Variants in PKD1L1 observed in about 807,000 individuals in gnomAD.
The protein encoded by PKD1L1 is polycystin-1-like protein 1.
A neutral mutation model predicts 323.4 loss-of-function variants in PKD1L1; 236 were observed. That is an observed-to-expected ratio of 0.73 (90% CI 0.66 to 0.81). The LOEUF is 0.81. Ranked by LOEUF, PKD1L1 falls within the 40% of genes least tolerant of loss-of-function variation. The pLI, the probability that PKD1L1 is intolerant of heterozygous loss-of-function variation, is 0.00. For synonymous variants in PKD1L1, 1,344 were observed against 1,335.0 expected, an observed-to-expected ratio of 1.01 and a Z score of -0.15; for missense variants, 3,320 against 3,508.0, an observed-to-expected ratio of 0.95 and a Z score of 1.35.
intron 4 of PKD1L1, among the ~76,000 whole-genome samples, chr7:47,935,603 G>C (rs952286129): frequency 1.3e-5 from 2 of 152,218 alleles, no homozygotes; most frequent in Admixed American, 6.5e-5. Flanking sequence ...GCCCTCACAG[G>C]TGGCTGTCAC....
chr7:47,917,329 T>C (rs1455183840), intron 7 of PKD1L1, among the ~76,000 whole-genome samples: 1 of 152,046 alleles, frequency 6.6e-6, no homozygotes, highest in African/African-American at 2.4e-5. Context: ...TCTGGGATTA[T>C]GTTAAATGAC....
At chr7:47,834,275 G>C (rs1285540127) in intron 40 of PKD1L1, 64 bp downstream of exon 40, 1 of 1,525,396 alleles carries the variant, frequency 6.6e-7, no homozygotes, top group Non-Finnish European at 9.1e-7. Context: ...GAGGATGCCA[G>C]AGAAATCTAA....
intron 2 of PKD1L1, among the ~76,000 whole-genome samples, chr7:47,942,161 TGCTATATAAACCCC>T (rs1420036286): frequency 5.9e-5 from 9 of 152,198 alleles, no homozygotes; most frequent in Non-Finnish European, 1.3e-4. Context: ...TCGTCTTCCC[TGCTATATAAACCCC>T]CAAGTTTTAG....
intron 23 of PKD1L1, 120 bp downstream of exon 23, chr7:47,875,977 C>G (rs1263816800): frequency 9.2e-7 from 1 of 1,088,128 alleles, no homozygotes; most frequent in African/African-American, 1.6e-5. Context: ...AACTGAAAAG[C>G]ATTAAACTGA....
intron 6 of PKD1L1, 137 bp downstream of exon 6, chr7:47,930,967 G>T: frequency 2.2e-6 from 2 of 920,828 alleles, no homozygotes; most frequent in Non-Finnish European, 3.2e-6. Flanking sequence ...ATTGTAACTT[G>T]AAAGTCACTG....
chr7:47,838,876 C>CAAA (rs57858359), intron 36 of PKD1L1, among the ~76,000 whole-genome samples: 201 of 85,034 alleles, frequency 2.4e-3, no homozygotes, highest in East Asian at 4.2e-3. Context: ...GACTCCATCT[C>CAAA]AAAAAAAAAA....
intron 30 of PKD1L1, 118 bp downstream of exon 30, chr7:47,854,764 A>G (rs942155033): frequency 1.6e-6 from 2 of 1,271,310 alleles, no homozygotes; most frequent in African/African-American, 1.5e-5. Context: ...TTCTTTAAAC[A>G]ATGAGCCTCA....
intron 39 of PKD1L1, 36 bp downstream of exon 39, chr7:47,834,931 C>T: frequency 6.3e-7 from 1 of 1,586,586 alleles, no homozygotes; most frequent in African/African-American, 1.3e-5. Context: ...GGCTCAGCCC[C>T]ACGGAGAGTT....
At chr7:47,861,693 T>C (rs539103455) in intron 26 of PKD1L1, among the ~76,000 whole-genome samples, 10 of 151,334 alleles carry the variant, frequency 6.6e-5, no homozygotes, top group South Asian at 4.2e-4. Context: ...CCATCCTGGC[T>C]AACACAGTGA....
chr7:47,885,750 T>C lies in PKD1L1; in HGVS notation c.3141A>G (p.Gly1047=), dbSNP rs148196745. Reference sequence around the variant, plus strand: ...TCTCAGAGCGGCCAGTCATCAGGGATCCCTTGCTCTGTGGCCCTGGCTCTA... The same window carrying C: ...TCTCAGAGCGGCCAGTCATCAGGGACCCCTTGCTCTGTGGCCCTGGCTCTA... ...LDLEPGPQSK[G]SLMTGRSERS... is the part of the protein sequence containing the mutation. Residue 1047 remains glycine, a synonymous_variant, in exon 18 of 57, where the codon GGA becomes GGG. Coordinates refer to ENST00000289672, the MANE Select transcript of PKD1L1 (RefSeq NM_138295.5). The C allele has an allele frequency of 6.2e-7, 1 of 1,614,008 alleles. No individual in the cohort carries two copies. Among genetic ancestry groups the C allele is most frequent in the African/African-American group, 1.3e-5 (1 of 74,920 alleles).
intron 26 of PKD1L1, among the ~76,000 whole-genome samples, chr7:47,863,674 T>C (rs1786085000): frequency 6.6e-6 from 1 of 152,194 alleles, no homozygotes; most frequent in African/African-American, 2.4e-5. Flanking sequence ...TGCTGTGACT[T>C]TGGCAGGAGC....
intron 21 of PKD1L1, among the ~76,000 whole-genome samples, chr7:47,878,659 T>C (rs4720619): frequency 0.36 from 54,838 of 151,718 alleles, 11,218 homozygotes; most frequent in African/African-American, 0.56. Context: ...CACATTTGAG[T>C]GAGGAGTCTT....
rs1785520048 is a variant in PKD1L1, at chr7:47,839,346, A to T, written c.5769+100T>A. ...TAAGAAAAGAGGAATACACTTTAGA[A>T]GAGTTCAAAGACACAACTGTGGCAA... On this transcript the variant is annotated intron_variant, in intron 36 of 56. Coordinates refer to ENST00000289672, the MANE Select transcript of PKD1L1 (RefSeq NM_138295.5). This position sits in a 1 kb window ranked among gnomAD's most constrained non-coding sequence, Gnocchi z 4.3. 2.3e-6 allele frequency: 2 copies of T among 869,540 alleles called. No homozygotes were observed. The highest frequency in any genetic ancestry group is 3.6e-5 in the South Asian group (2 of 55,346). The allele number at this position is 869,540 out of a possible 1,614,324, so 53.9% of individuals were successfully genotyped here.
chr7:47,880,717 A>G lies in PKD1L1; in HGVS notation c.3520+11T>C, dbSNP rs570494592. 4 of 1,596,898 alleles carry G rather than the reference A, an allele frequency of 2.5e-6. No individual in the cohort carries two copies. The highest frequency in any genetic ancestry group is 2.7e-5 in the African/African-American group (2 of 73,650). On this transcript the variant is annotated intron_variant, in intron 21 of 56. Transcript: ENST00000289672. ...CATCCTCTGATAAATGCAACTGACA[A>G]TGTAACATACCCACAGACACTTGCA...
chr7:47,957,425 T>C, the PKD1L1 span: 5 of 152,196 alleles, frequency 3.3e-5, no homozygotes, highest in Admixed American at 6.5e-5. Context: ...GTAGAGAAAA[T>C]CCTAAAGACT....
chr7:47,836,495 C>G (rs1785459811), intron 37 of PKD1L1, among the ~76,000 whole-genome samples: 1 of 152,184 alleles, frequency 6.6e-6, no homozygotes, highest in South Asian at 2.1e-4. Flanking sequence ...AACAATCAGA[C>G]CAGAGTTGCC....
intron 2 of PKD1L1, 29 bp downstream of exon 2, chr7:47,943,367 T>G: frequency 6.6e-7 from 1 of 1,525,774 alleles, no homozygotes. Context: ...CTTATCATGG[T>G]GGCCATGCCT....
intron 21 of PKD1L1, among the ~76,000 whole-genome samples, chr7:47,878,496 C>T (rs905130085): frequency 6.6e-6 from 1 of 152,196 alleles, no homozygotes. Flanking sequence ...GCCTCTGCTA[C>T]ACACCAGGTG....
chr7:47,892,474 T>C (rs1786841696), intron 15 of PKD1L1, among the ~76,000 whole-genome samples: 2 of 152,010 alleles, frequency 1.3e-5, no homozygotes, highest in Non-Finnish European at 2.9e-5. Flanking sequence ...CTTTTACTCT[T>C]GAGTAAAAAG....
Sources: gnomAD v4.1 joint callset for allele counts (sites outside exome capture counted in the v4.1 genomes callset) on GRCh38, gnomAD v4.1.1 for gene constraint, Gnocchi (gnomAD v3.1) non-coding constraint, MANE v1.5 for transcripts, NCBI Gene and HGNC (gene_info 2026-07-23, HGNC 2026-07-21) for gene names.